The following CLEC16A variants were observed in gnomAD, a reference collection of about 807,000 sequenced individuals.
The protein encoded by CLEC16A is protein CLEC16A.
In CLEC16A, 51 loss-of-function variants were observed where a neutral mutation model predicts 109.5. That is an observed-to-expected ratio of 0.47 (90% confidence interval 0.37 to 0.59). The LOEUF (loss-of-function observed/expected upper bound fraction) is 0.59. CLEC16A is among the 20% of genes least tolerant of loss of function. CLEC16A has a pLI of 0.00. For synonymous variants in CLEC16A, 673 were observed against 564.2 expected, an observed-to-expected ratio of 1.19 and a Z score of -2.73; for missense variants, 1,339 against 1,394.0, an observed-to-expected ratio of 0.96 and a Z score of 0.63.
chr16:11,142,835 G>A (rs779641745), intron 22 of CLEC16A, among the ~76,000 whole-genome samples: 9 of 152,104 alleles, frequency 5.9e-5, no homozygotes, highest in Non-Finnish European at 1.3e-4. Flanking sequence ...TTTGGAGACA[G>A]AGTCTTGCTC....
At chr16:11,075,496 C>T (rs891097596) in intron 19 of CLEC16A, among the ~76,000 whole-genome samples, 6 of 151,272 alleles carry the variant, frequency 4.0e-5, no homozygotes, top group African/African-American at 1.5e-4. Flanking sequence ...GAGTGCGTGG[C>T]ATAATCATAG....
chr16:11,123,665 C>A (rs1388890872), intron 20 of CLEC16A, 77 bp from the exon 21 acceptor site: 10 of 1,353,978 alleles, frequency 7.4e-6, no homozygotes, highest in Non-Finnish European at 1.1e-5. Flanking sequence ...TTTCTAGATG[C>A]CTCATGATGC....
intron 19 of CLEC16A, among the ~76,000 whole-genome samples, chr16:11,092,598 C>T (rs2050377458): frequency 6.6e-6 from 1 of 152,180 alleles, no homozygotes; most frequent in Non-Finnish European, 1.5e-5. Flanking sequence ...CAGGCATTTC[C>T]AGCATTTCCT....
At chr16:11,124,545 A>C (rs1302712625) in intron 21 of CLEC16A, among the ~76,000 whole-genome samples, 2 of 152,242 alleles carry the variant, frequency 1.3e-5, no homozygotes, top group African/African-American at 4.8e-5. Flanking sequence ...AACACTGCCC[A>C]GTATTAGGAA....
At chr16:10,951,397 T>G (rs2041724529) in intron 1 of CLEC16A, among the ~76,000 whole-genome samples, 1 of 152,242 alleles carries the variant, frequency 6.6e-6, no homozygotes, top group Admixed American at 6.5e-5. Context: ...TTTTTTTAAT[T>G]TATTTTTTGT....
chr16:11,170,947 G>A (rs2068485966), intron 23 of CLEC16A, among the ~76,000 whole-genome samples: 1 of 152,210 alleles, frequency 6.6e-6, no homozygotes, highest in Admixed American at 6.5e-5. Flanking sequence ...CGGGGGATGA[G>A]GGGTTGGTGA....
intron 22 of CLEC16A, among the ~76,000 whole-genome samples, chr16:11,137,575 C>T (rs1252468144): frequency 8.1e-6 from 1 of 123,586 alleles, no homozygotes; most frequent in Admixed American, 1.0e-4. Flanking sequence ...GGTGACAGAG[C>T]GAGACTCCAT....
At chr16:11,110,467 C>T (rs1284354996) in intron 19 of CLEC16A, among the ~76,000 whole-genome samples, 3 of 152,148 alleles carry the variant, frequency 2.0e-5, no homozygotes, top group African/African-American at 7.2e-5. Context: ...ATTCCATGAC[C>T]TTACGGGAAT....
Position 11,160,442 on chromosome 16 carries a change from A to G in CLEC16A, c.2642-5946A>G, listed in dbSNP as rs557016933. 1.8e-3 allele frequency among the ~76,000 whole-genome samples: 272 copies of G among 152,286 alleles called. 2 individuals carry two copies. The highest frequency in any genetic ancestry group is 6.3e-3 in the African/African-American group (263 of 41,554). On this transcript the variant is annotated intron_variant, in intron 22 of 23. Coordinates refer to ENST00000409790, the MANE Select transcript of CLEC16A (RefSeq NM_015226.3). ...TCTACCCAAAAAGTCCACTTGCACCACATGGGAAAGAGTTGACCAAGTGTT... is the reference window on the plus strand; with the variant it reads ...TCTACCCAAAAAGTCCACTTGCACCGCATGGGAAAGAGTTGACCAAGTGTT...
At chr16:11,000,580 T>C (rs905816729) in intron 10 of CLEC16A, among the ~76,000 whole-genome samples, 1 of 152,158 alleles carries the variant, frequency 6.6e-6, no homozygotes, top group Non-Finnish European at 1.5e-5. Context: ...GCATCCTAAG[T>C]GGGCTCTGAT....
At chr16:11,159,028 C>G (rs1199604780) in intron 22 of CLEC16A, among the ~76,000 whole-genome samples, 1 of 152,024 alleles carries the variant, frequency 6.6e-6, no homozygotes, top group Admixed American at 6.5e-5. Context: ...TCTTAATTTT[C>G]AAAAGGAGTA....
chr16:11,032,557 T>A (rs2046804823), intron 13 of CLEC16A, among the ~76,000 whole-genome samples: 1 of 152,176 alleles, frequency 6.6e-6, no homozygotes. Context: ...TAATTGTGAC[T>A]GTGACAAATG....
chr16:11,115,102 A>G (rs1035412417), intron 19 of CLEC16A, among the ~76,000 whole-genome samples: 4 of 152,130 alleles, frequency 2.6e-5, no homozygotes, highest in East Asian at 1.9e-4. Flanking sequence ...GCCAGGCTCT[A>G]TGAGGGAGTC....
At chr16:11,057,531 G>C (rs893078447) in intron 18 of CLEC16A, among the ~76,000 whole-genome samples, 2 of 152,310 alleles carry the variant, frequency 1.3e-5, no homozygotes, top group East Asian at 3.9e-4. Flanking sequence ...CATTGAGTTT[G>C]CCAGAATTTG....
chr16:10,997,199 T>C (rs551511159), intron 10 of CLEC16A, among the ~76,000 whole-genome samples: 1 of 152,342 alleles, frequency 6.6e-6, no homozygotes, highest in African/African-American at 2.4e-5. Context: ...TGGGCTCAAG[T>C]GATCCTCCTG....
At chr16:11,135,153 T>C (rs1209166273) in intron 22 of CLEC16A, among the ~76,000 whole-genome samples, 1 of 152,212 alleles carries the variant, frequency 6.6e-6, no homozygotes, top group Non-Finnish European at 1.5e-5. Context: ...TTCTGGCAAT[T>C]GCCTCTAAGA....
At chr16:11,081,523 G>A (rs936851664) in intron 19 of CLEC16A, among the ~76,000 whole-genome samples, 1 of 151,950 alleles carries the variant, frequency 6.6e-6, no homozygotes, top group African/African-American at 2.4e-5. Context: ...TTTCCTTTTT[G>A]CACTAAAAGG....
At chr16:11,158,053 C>T (rs1304191793) in intron 22 of CLEC16A, among the ~76,000 whole-genome samples, 3 of 152,174 alleles carry the variant, frequency 2.0e-5, no homozygotes, top group Non-Finnish European at 4.4e-5. Context: ...CCCCATCTCT[C>T]GCCCCAGGGA....
chr16:11,093,825 C>T (rs769942789), intron 19 of CLEC16A, among the ~76,000 whole-genome samples: 18 of 152,082 alleles, frequency 1.2e-4, no homozygotes, highest in Non-Finnish European at 2.2e-4. Flanking sequence ...TTCCATGGCA[C>T]AGTTAGCAGG....
Sources: allele counts gnomAD v4.1 joint callset (sites outside exome capture counted in the v4.1 genomes callset), GRCh38; gene constraint gnomAD v4.1.1; transcripts MANE v1.5; gene names NCBI Gene and HGNC (gene_info 2026-07-23, HGNC 2026-07-21).